The following PCDHGB4 variants were observed in gnomAD, a reference collection of about 807,000 sequenced individuals.
PCDHGB4 encodes protocadherin gamma subfamily B, 4.
PCDHGB4 carries 38 observed loss-of-function variants against 60.5 expected under a neutral mutation model. The observed-to-expected ratio is 0.63, with a 90% CI of 0.48 to 0.82. The LOEUF (loss-of-function observed/expected upper bound fraction) is 0.82. Ranked by LOEUF, PCDHGB4 falls within the 40% of genes least tolerant of loss-of-function variation. The probability of loss-of-function intolerance (pLI) is 0.00; values close to 1 mark genes in which losing one functional copy is unlikely to be tolerated. For synonymous variants in PCDHGB4, 456 were observed against 509.7 expected, an observed-to-expected ratio of 0.89 and a Z score of 1.42; for missense variants, 1,109 against 1,209.6, an observed-to-expected ratio of 0.92 and a Z score of 1.23.
At chr5:141,448,692 G>A (rs913533738) in intron 1 of PCDHGB4, among the ~76,000 whole-genome samples, 6 of 152,072 alleles carry the variant, frequency 3.9e-5, no homozygotes, top group African/African-American at 9.7e-5. Context: ...TGTAATCGCA[G>A]CACTTTGGGA....
At position 141,434,489 on chromosome 5, in the gene PCDHGB4, C is replaced by G. The variant is rs921000136; in HGVS notation, c.2397+44208C>G. On this transcript the variant is annotated intron_variant, in intron 1 of 3. Coordinates refer to ENST00000519479, the MANE Select transcript of PCDHGB4 (RefSeq NM_003736.4). ...GAATGAGGGCAAGGAACACCTGGCC[C>G]GCCCAGGGCAGAAAACTGCTTAAAG... Among the ~76,000 whole-genome samples, 8 of 152,158 alleles carry G rather than the reference C, an allele frequency of 5.3e-5. 1 individual carries two copies. The highest frequency in any genetic ancestry group is 2.6e-4 in the Admixed American group (4 of 15,284).
At chr5:141,394,915 C>T in intron 1 of PCDHGB4, 1 of 1,613,774 alleles carries the variant, frequency 6.2e-7, no homozygotes, top group Non-Finnish European at 8.5e-7. Flanking sequence ...GCTGCCATCT[C>T]CTGTGTCTTC....
intron 1 of PCDHGB4, chr5:141,402,985 A>G: frequency 6.2e-7 from 1 of 1,609,390 alleles, no homozygotes; most frequent in Non-Finnish European, 8.5e-7. Context: ...AGCTCCGCGG[A>G]AGATTAGTCC....
In PCDHGB4 at chr5:141,400,300, C is replaced by A. The variant is rs1267834290; in HGVS notation, c.2397+10019C>A. The stretch of plus-strand genomic sequence containing the variant: ...CCCTGCCGCCTGGAGCTGCTTCCAA[C>A]CTGGTCTCTGTGTCAAGTCTGGACC... On this transcript the variant is annotated intron_variant, in intron 1 of 3. Transcript: ENST00000519479. 6.8e-6 allele frequency: 11 copies of A among 1,613,966 alleles called. No individual in the cohort carries two copies. The African/African-American group carries it at 1.3e-4, about 20-fold the overall frequency.
Position 141,490,397 on chromosome 5 carries a change from G to A in PCDHGB4, c.2398-4410G>A. 6.2e-7 allele frequency: 1 copy of A among 1,614,170 alleles called. No individual in the cohort carries two copies. Among genetic ancestry groups the A allele is most frequent in the South Asian group, 1.1e-5 (1 of 91,080 alleles). On this transcript the variant is annotated intron_variant, in intron 1 of 3. Coordinates refer to ENST00000519479, the MANE Select transcript of PCDHGB4 (RefSeq NM_003736.4). This position sits in a 1 kb window ranked among gnomAD's most constrained non-coding sequence, Gnocchi z 5.4. ...GACTCAGGTAGAAATGGTGAAGTGA[G>A]CCTTGATATCTCTCCGGACCTGCCA...
At chr5:141,420,086 TAC>T (rs1396904191) in intron 1 of PCDHGB4, 2 of 1,614,002 alleles carry the variant, frequency 1.2e-6, no homozygotes, top group Non-Finnish European at 1.7e-6. Context: ...TCCCCCCAAC[TAC>T]AGTGAGGGAA....
intron 1 of PCDHGB4, chr5:141,394,374 G>A: frequency 1.2e-6 from 2 of 1,614,172 alleles, no homozygotes; most frequent in South Asian, 1.1e-5. Flanking sequence ...GCAATCTTTC[G>A]ACTATGAGCA....
At chr5:141,415,344 G>A in intron 1 of PCDHGB4, 15 of 1,614,238 alleles carry the variant, frequency 9.3e-6, no homozygotes, top group Non-Finnish European at 1.3e-5. Flanking sequence ...TGCGGCGCTG[G>A]CACAAGTCAC....
chr5:141,503,268 C>A (rs1038268807), intron 2 of PCDHGB4, among the ~76,000 whole-genome samples: 6 of 152,068 alleles, frequency 3.9e-5, no homozygotes, highest in African/African-American at 7.2e-5. Context: ...AACCCCAGCA[C>A]CTGGCTCTGT....
chr5:141,423,067 G>A (rs757110751), intron 1 of PCDHGB4: 10 of 1,614,024 alleles, frequency 6.2e-6, no homozygotes, highest in South Asian at 5.5e-5. Context: ...TAAGGCCAGC[G>A]AGCCGGGACT....
At chr5:141,406,185 A>G (rs1204342088) in intron 1 of PCDHGB4, among the ~76,000 whole-genome samples, 1 of 150,712 alleles carries the variant, frequency 6.6e-6, no homozygotes, top group Non-Finnish European at 1.5e-5. Flanking sequence ...CAATCCTCCC[A>G]CCTCAGCCTT....
In PCDHGB4 at chr5:141,394,525, G is replaced by T; in HGVS notation, c.2397+4244G>T. ...CTGTACCCCGCCCTCCCCACAGACG[G>T]TTCCACTGGCGTGGAGCTGGCGCCC... On this transcript the variant is annotated intron_variant, in intron 1 of 3. Coordinates refer to ENST00000519479, the MANE Select transcript of PCDHGB4 (RefSeq NM_003736.4). 3 of 1,614,228 alleles carry T rather than the reference G, an allele frequency of 1.9e-6. No homozygotes were observed. The East Asian group carries it at 6.7e-5, about 36-fold the overall frequency.
intron 1 of PCDHGB4, among the ~76,000 whole-genome samples, chr5:141,475,231 G>A (rs1188161872): frequency 6.6e-6 from 1 of 152,190 alleles, no homozygotes; most frequent in Admixed American, 6.5e-5. Flanking sequence ...AAAGGGAAAC[G>A]ATAGAGAGAG....
intron 1 of PCDHGB4, among the ~76,000 whole-genome samples, chr5:141,484,184 AG>A (rs1328674334): frequency 6.6e-6 from 1 of 152,244 alleles, no homozygotes; most frequent in Non-Finnish European, 1.5e-5. Flanking sequence ...CAATCATTCA[AG>A]GAAGCTATTA....
At chr5:141,399,475 C>T (rs1561669837) in intron 1 of PCDHGB4, 1 of 1,614,022 alleles carries the variant, frequency 6.2e-7, no homozygotes. Context: ...GGTTTTCCAC[C>T]AGGCGTCCTA....
intron 1 of PCDHGB4, among the ~76,000 whole-genome samples, chr5:141,452,416 C>T (rs2098741061): frequency 6.6e-6 from 1 of 152,144 alleles, no homozygotes; most frequent in African/African-American, 2.4e-5. Context: ...GAGGTATGCT[C>T]ACTGCTAATG....
At chr5:141,414,846 G>A in intron 1 of PCDHGB4, 1 of 1,614,218 alleles carries the variant, frequency 6.2e-7, no homozygotes, top group African/African-American at 1.3e-5. Flanking sequence ...TGTTTGTGCT[G>A]GACCAGAACG....
At chr5:141,393,980 T>C (rs745601350) in intron 1 of PCDHGB4, 132 of 1,613,686 alleles carry the variant, frequency 8.2e-5, no homozygotes, top group Admixed American at 6.7e-5. Context: ...CACGTGATAA[T>C]TTACCTTTTA....
intron 1 of PCDHGB4, chr5:141,391,737 T>C (rs1050956818): frequency 6.6e-6 from 1 of 152,224 alleles, no homozygotes; most frequent in Non-Finnish European, 1.5e-5. Context: ...TTTGTAGTCA[T>C]ACTTATCCTT....
Sources: allele counts gnomAD v4.1 joint callset (sites outside exome capture counted in the v4.1 genomes callset), GRCh38; gene constraint gnomAD v4.1.1; non-coding constraint Gnocchi (gnomAD v3.1); transcripts MANE v1.5; gene names NCBI Gene and HGNC (gene_info 2026-07-23, HGNC 2026-07-21).